GRIK2: variants seen among roughly 807,000 people sequenced by gnomAD.
GRIK2 encodes the protein glutamate receptor ionotropic, kainate 2.
Under a neutral mutation model 100.3 loss-of-function variants are expected in GRIK2, and 32 were observed. The observed-to-expected ratio is 0.32, with a 90% CI of 0.24 to 0.43. The LOEUF (loss-of-function observed/expected upper bound fraction) is 0.43. Among genes scored for constraint, GRIK2 ranks in the 20% least tolerant of loss-of-function variants. The pLI is 1.00. For synonymous variants in GRIK2, 417 were observed against 389.4 expected, an observed-to-expected ratio of 1.07 and a Z score of -0.83; for missense variants, 843 against 1,114.9, an observed-to-expected ratio of 0.76 and a Z score of 3.47.
chr6:101,985,079 T>C (rs1793945684), intron 14 of GRIK2, among the ~76,000 whole-genome samples: 2 of 151,770 alleles, frequency 1.3e-5, no homozygotes, highest in African/African-American at 4.8e-5. Flanking sequence ...CCTCGGTTAA[T>C]AGAGAATAAG....
chr6:101,813,913 G>A (rs533460210), intron 9 of GRIK2, among the ~76,000 whole-genome samples: 3 of 150,062 alleles, frequency 2.0e-5, no homozygotes, highest in African/African-American at 7.4e-5. Context: ...GCAGTGAGCC[G>A]ACATTGTGCC....
intron 7 of GRIK2, among the ~76,000 whole-genome samples, chr6:101,740,298 A>G (rs556602435): frequency 2.6e-4 from 39 of 152,198 alleles, no homozygotes; most frequent in Middle Eastern, 3.4e-3. Context: ...ATAGCATTGT[A>G]TTTCCTGTTC....
At chr6:101,697,516 T>C (rs1036125094) in intron 7 of GRIK2, among the ~76,000 whole-genome samples, 4 of 152,000 alleles carry the variant, frequency 2.6e-5, no homozygotes, top group African/African-American at 4.8e-5. Context: ...TTAACAGATA[T>C]TTAAGTCTAG....
At chr6:101,586,969 G>A (rs17062208) in intron 2 of GRIK2, among the ~76,000 whole-genome samples, 9,154 of 150,898 alleles carry the variant, frequency 0.061, 524 homozygotes, top group South Asian at 0.25. Context: ...TGAAATAATG[G>A]GACAATCTGG....
chr6:101,709,053 G>A (rs979816874), intron 7 of GRIK2, among the ~76,000 whole-genome samples: 1 of 151,570 alleles, frequency 6.6e-6, no homozygotes, highest in Non-Finnish European at 1.5e-5. Context: ...AAATATTAAC[G>A]ATAATTTAAA....
At chr6:101,832,686 C>T (rs1782781067) in intron 10 of GRIK2, among the ~76,000 whole-genome samples, 1 of 152,172 alleles carries the variant, frequency 6.6e-6, no homozygotes, top group Non-Finnish European at 1.5e-5. Context: ...TAAAGTTTGC[C>T]TGCATTAAGA....
intron 10 of GRIK2, among the ~76,000 whole-genome samples, chr6:101,830,513 A>T (rs1782609714): frequency 6.6e-6 from 1 of 151,988 alleles, no homozygotes; most frequent in African/African-American, 2.4e-5. Flanking sequence ...AGGAACTTAA[A>T]AAGAAAAGGA....
At chr6:101,799,830 T>G in intron 8 of GRIK2, 39 bp downstream of exon 8, 1 of 1,534,986 alleles carries the variant, frequency 6.5e-7, no homozygotes, top group Non-Finnish European at 9.0e-7. Flanking sequence ...TCTCTTTTGT[T>G]GTCAAGCTGA....
chr6:101,449,929 G>A (rs915410096), intron 2 of GRIK2, among the ~76,000 whole-genome samples: 11 of 151,632 alleles, frequency 7.3e-5, no homozygotes, highest in Admixed American at 2.6e-4. Context: ...GCTGGAAAAT[G>A]GGAAAATTCT....
chr6:101,905,560 CTGAT>C (rs1352778291), intron 12 of GRIK2, among the ~76,000 whole-genome samples: 1 of 151,456 alleles, frequency 6.6e-6, no homozygotes, highest in Non-Finnish European at 1.5e-5. Context: ...AAACATTAAA[CTGAT>C]TATCATAATT....
At chr6:101,988,100 T>C (rs946667767) in intron 14 of GRIK2, among the ~76,000 whole-genome samples, 46 of 24,300 alleles carry the variant, frequency 1.9e-3, no homozygotes, top group African/African-American at 6.2e-3. Flanking sequence ...AGTGTGTGTG[T>C]GTGTGTGTGT....
intron 16 of GRIK2, chr6:102,064,126 T>A: frequency 1.4e-6 from 1 of 704,668 alleles, no homozygotes; most frequent in Non-Finnish European, 2.5e-6. Flanking sequence ...ATTGTTGTTT[T>A]CATCCTAAGG....
At chr6:101,786,523 A>T (rs184810069) in intron 7 of GRIK2, among the ~76,000 whole-genome samples, 1 of 152,088 alleles carries the variant, frequency 6.6e-6, no homozygotes, top group African/African-American at 2.4e-5. Flanking sequence ...AATTTTATCA[A>T]ATGTTTTTCT....
chr6:101,727,852 C>T (rs1162458807), intron 7 of GRIK2, among the ~76,000 whole-genome samples: 2 of 151,946 alleles, frequency 1.3e-5, no homozygotes, highest in Admixed American at 1.3e-4. Context: ...TGAGAGTTAT[C>T]TATGTGCATG....
chr6:101,783,727 T>G lies in GRIK2; in HGVS notation c.952-15921T>G, dbSNP rs555424832. On this transcript the variant is annotated intron_variant, in intron 7 of 16. Coordinates refer to ENST00000369134, the MANE Select transcript of GRIK2 (RefSeq NM_021956.5). ...AAGTACAGGTTGAGGTGGTCTCAGA[T>G]GCAGATGAAGAACTTGCTGGGAACT... is the stretch of plus-strand genomic sequence containing the variant. 6.6e-5 allele frequency among the ~76,000 whole-genome samples: 10 copies of G among 152,318 alleles called. No homozygotes were observed. In the South Asian group the frequency reaches 2.1e-3, roughly 32 times the overall value.
At chr6:101,763,434 G>T (rs1258161922) in intron 7 of GRIK2, among the ~76,000 whole-genome samples, 1 of 152,176 alleles carries the variant, frequency 6.6e-6, no homozygotes, top group Non-Finnish European at 1.5e-5. Flanking sequence ...GTTTGAATGT[G>T]TTATGAATGT....
intron 2 of GRIK2, among the ~76,000 whole-genome samples, chr6:101,436,931 C>G (rs1273722776): frequency 6.6e-6 from 1 of 150,770 alleles, no homozygotes; most frequent in Non-Finnish European, 1.5e-5. Flanking sequence ...TAAAATGGCT[C>G]AAATCATCAT....
chr6:101,637,702 G>A (rs1019450179), intron 4 of GRIK2, among the ~76,000 whole-genome samples: 5 of 152,090 alleles, frequency 3.3e-5, no homozygotes, highest in South Asian at 2.1e-4. Context: ...AGAGAAAAAC[G>A]AATTGTTCCT....
chr6:101,648,565 A>C (rs1319749649), intron 4 of GRIK2, among the ~76,000 whole-genome samples: 1 of 152,058 alleles, frequency 6.6e-6, no homozygotes, highest in Non-Finnish European at 1.5e-5. Flanking sequence ...GTTTTTTTTA[A>C]AGTGATGAGC....
Sources: gnomAD v4.1 joint callset for allele counts (sites outside exome capture counted in the v4.1 genomes callset) on GRCh38, gnomAD v4.1.1 for gene constraint, MANE v1.5 for transcripts, NCBI Gene and HGNC (gene_info 2026-07-23, HGNC 2026-07-21) for gene names.